The following ZBED6 variants were observed in gnomAD, a reference collection of about 807,000 sequenced individuals.
ZBED6 encodes the protein zinc finger BED-type containing 6, also known as zinc finger BED domain-containing protein 6.
A neutral mutation model predicts 58.4 loss-of-function variants in ZBED6; 40 were observed. The observed-to-expected ratio is 0.68, with a 90% CI of 0.53 to 0.89. The LOEUF is 0.89. ZBED6 is among the 40% of genes least tolerant of loss of function. The pLI is 0.00. For missense variants in ZBED6, 1,057 were observed against 1,003.9 expected (o/e 1.05, Z -0.71); for synonymous variants, 439 against 350.6 (o/e 1.25, Z -2.82).
intron 9 of ZBED6, among the ~76,000 whole-genome samples, chr1:203,835,007 C>T (rs1344996190): frequency 1.3e-5 from 2 of 152,176 alleles, no homozygotes; most frequent in Non-Finnish European, 2.9e-5. Context: ...TTTAAATGTC[C>T]TAAAAAGGAA....
At chr1:203,811,655 T>G (rs1674523295) in intron 1 of ZBED6, among the ~76,000 whole-genome samples, 1 of 152,168 alleles carries the variant, frequency 6.6e-6, no homozygotes, top group Non-Finnish European at 1.5e-5. Flanking sequence ...ACTACAGTTG[T>G]GGGCTACCAC....
chr1:203,802,650 A>T (rs1670874775), exon 1 of ZBED6: 1 of 151,746 alleles, frequency 6.6e-6, no homozygotes, highest in Non-Finnish European at 1.5e-5. Context: ...TATATTGTTC[A>T]GCTATGGAAG....
At chr1:203,811,858 C>T (rs553883839) in intron 1 of ZBED6, among the ~76,000 whole-genome samples, 1 of 151,304 alleles carries the variant, frequency 6.6e-6, no homozygotes, top group Non-Finnish European at 1.5e-5. Flanking sequence ...CACTGTCACC[C>T]AGGCTGGAGT....
chr1:203,847,383 A>G, exon 12 of ZBED6: 1 of 1,614,022 alleles, frequency 6.2e-7, no homozygotes, highest in South Asian at 1.1e-5. Context: ...CTGAAAAAAA[A>G]CATCGGCAGC....
At chr1:203,818,724 T>C (rs770015914) in intron 3 of ZBED6, 35 bp downstream of exon 3, 6 of 1,613,114 alleles carry the variant, frequency 3.7e-6, no homozygotes, top group Non-Finnish European at 5.1e-6. Flanking sequence ...TAATAAGTAG[T>C]CTGGAGACCT....
chr1:203,839,560 G>A (rs1303880519), intron 10 of ZBED6, among the ~76,000 whole-genome samples: 16 of 152,122 alleles, frequency 1.1e-4, no homozygotes, highest in Non-Finnish European at 2.4e-4. Context: ...AGACGTTCCT[G>A]TTTGGAGGTT....
At chr1:203,808,507 C>T (rs1673137325) in intron 1 of ZBED6, among the ~76,000 whole-genome samples, 1 of 152,090 alleles carries the variant, frequency 6.6e-6, no homozygotes, top group South Asian at 2.1e-4. Flanking sequence ...AGGAAATGTT[C>T]TTATATTGTT....
At chr1:203,809,019 A>G (rs1418558146) in intron 1 of ZBED6, among the ~76,000 whole-genome samples, 1 of 151,694 alleles carries the variant, frequency 6.6e-6, no homozygotes, top group Admixed American at 6.6e-5. Flanking sequence ...TAGTAGAGAC[A>G]GGATTTCACC....
At chr1:203,843,398 G>T (rs1687015973) in intron 11 of ZBED6, among the ~76,000 whole-genome samples, 1 of 152,124 alleles carries the variant, frequency 6.6e-6, no homozygotes, top group Non-Finnish European at 1.5e-5. Flanking sequence ...ATTTGTATTA[G>T]ATAGATGTTG....
chr1:203,848,716 T>A lies in ZBED6; in HGVS notation c.*4322+309T>A, dbSNP rs182285937. On this transcript the variant is annotated intron_variant, in intron 13 of 16. Coordinates refer to ENST00000550078, the Ensembl canonical transcript of ZBED6. ...TCCTGGCTAACACGGTGAAACCCCG[T>A]CTCTACTAAAAATACAAAAAATAAA... Among the ~76,000 whole-genome samples the A allele has an allele frequency of 3.1e-3, 477 of 152,292 alleles. 6 individuals are homozygous for A. Among genetic ancestry groups the A allele is most frequent in the African/African-American group, 0.011 (466 of 41,558 alleles).
intron 1 of ZBED6, chr1:203,806,023 G>A: frequency 1.8e-6 from 1 of 548,122 alleles, no homozygotes; most frequent in Non-Finnish European, 3.5e-6. Flanking sequence ...TGACTCTTGG[G>A]TGCGATTGTC....
intron 1 of ZBED6, among the ~76,000 whole-genome samples, chr1:203,808,177 ACTT>A (rs1673030196): frequency 6.6e-6 from 1 of 152,146 alleles, no homozygotes; most frequent in African/African-American, 2.4e-5. Context: ...GTATCTAAAA[ACTT>A]CTAAGTTCTG....
chr1:203,818,733 C>T (rs1308230945), intron 3 of ZBED6, 44 bp downstream of exon 3: 1 of 1,611,454 alleles, frequency 6.2e-7, no homozygotes, highest in Non-Finnish European at 8.5e-7. Context: ...GTCTGGAGAC[C>T]TGGTGGGCCA....
chr1:203,840,515 T>C (rs1243703080), intron 11 of ZBED6, 141 bp downstream of exon 11: 4 of 732,942 alleles, frequency 5.5e-6, no homozygotes, highest in Non-Finnish European at 8.6e-6. Context: ...AAGTAATTGA[T>C]CAAGTCAGCT....
chr1:203,809,172 GTTTTTT>G (rs33926996), intron 1 of ZBED6, among the ~76,000 whole-genome samples: 1 of 83,248 alleles, frequency 1.2e-5, no homozygotes, highest in Non-Finnish European at 2.1e-5. Flanking sequence ...TCTTCTCACT[GTTTTTT>G]TTTTTTTTTT....
exon 17 of ZBED6, chr1:203,852,288 G>C: frequency 6.2e-7 from 1 of 1,613,722 alleles, no homozygotes; most frequent in Non-Finnish European, 8.5e-7. Flanking sequence ...ATGATTTTGA[G>C]AAACTAATAT....
At chr1:203,799,569 A>G (rs1390225783) in exon 1 of ZBED6, 2 of 702,714 alleles carry the variant, frequency 2.8e-6, no homozygotes, top group Non-Finnish European at 5.2e-6. Context: ...CCTTCAGTGG[A>G]CTCTAATGAC....
Position 203,798,188 on chromosome 1 carries a change from A to T in ZBED6, c.666A>T (p.Pro222=), listed in dbSNP as rs952457694. 4 of 1,536,046 alleles carry T rather than the reference A, an allele frequency of 2.6e-6. No homozygotes were observed. The African/African-American group carries it at 5.5e-5, about 21-fold the overall frequency. Residue 222 remains proline (P), a synonymous_variant, in exon 1 of 17, where the codon CCA becomes CCT. Coordinates refer to ENST00000550078, the Ensembl canonical transcript of ZBED6. ...GCTTTGAATATATTCCTACTGATCC[A>T]TTAGATGATAATAGAATGGGCAAGA...
chr1:203,850,715 CTG>C lies in ZBED6; in HGVS notation c.*4805+39_*4805+40del, dbSNP rs760830246. The stretch of plus-strand genomic sequence containing the variant: ...TATATTCACTTTGTGGTGCTTTATT[CTG>C]TGTGGTAGGAAAGCAGGAAAGACTA... On this transcript the variant is annotated intron_variant, in intron 15 of 16. Transcript: ENST00000550078. The C allele has an allele frequency of 6.9e-6, 11 of 1,599,962 alleles. No individual in the cohort carries two copies. In the East Asian group the frequency reaches 9.0e-5, roughly 13 times the overall value.
Sources: allele counts gnomAD v4.1 joint callset (sites outside exome capture counted in the v4.1 genomes callset), GRCh38; gene constraint gnomAD v4.1.1; transcripts MANE v1.5; gene names NCBI Gene and HGNC (gene_info 2026-07-23, HGNC 2026-07-21).